Variants in DYRK1A observed in about 807,000 individuals in gnomAD.
DYRK1A encodes dual specificity tyrosine-phosphorylation-regulated kinase 1A.
Under a neutral mutation model 79.7 loss-of-function variants are expected in DYRK1A, and 9 were observed. The observed-to-expected ratio is 0.11, with a 90% CI of 0.07 to 0.20. The LOEUF is 0.20. Ranked by LOEUF, DYRK1A falls within the 10% of genes least tolerant of loss-of-function variation. DYRK1A has a pLI of 1.00. For missense variants in DYRK1A, 622 were observed against 956.0 expected (o/e 0.65, Z 4.61); for synonymous variants, 349 against 329.7 (o/e 1.06, Z -0.63).
At chr21:37,374,221 C>T (rs371758857) in intron 1 of DYRK1A, among the ~76,000 whole-genome samples, 49 of 151,790 alleles carry the variant, frequency 3.2e-4, no homozygotes, top group African/African-American at 1.1e-3. Flanking sequence ...TGTCTTCTTG[C>T]TCATACCCTC....
intron 2 of DYRK1A, among the ~76,000 whole-genome samples, chr21:37,441,962 G>GT (rs34848736): frequency 0.43 from 60,528 of 139,850 alleles, 13,108 homozygotes; most frequent in East Asian, 0.54. Flanking sequence ...TTATTTTGCT[G>GT]TTTTTTTTTT....
intron 2 of DYRK1A, among the ~76,000 whole-genome samples, chr21:37,441,582 T>C (rs2051104484): frequency 6.6e-6 from 1 of 152,152 alleles, no homozygotes; most frequent in South Asian, 2.1e-4. Context: ...TTTAGTGGTT[T>C]CTCTTTATCT....
intron 1 of DYRK1A, among the ~76,000 whole-genome samples, chr21:37,380,131 T>C (rs913798504): frequency 2.6e-5 from 4 of 152,260 alleles, no homozygotes; most frequent in Admixed American, 2.0e-4. Flanking sequence ...TTTTAACAGT[T>C]AATTTTGACT....
intron 1 of DYRK1A, among the ~76,000 whole-genome samples, chr21:37,370,658 A>G (rs965973350): frequency 2.0e-5 from 3 of 152,210 alleles, no homozygotes; most frequent in Admixed American, 6.5e-5. Flanking sequence ...ACTTCCAGAA[A>G]GTCTTTATCA....
At chr21:37,450,352 C>T (rs2051405538) in intron 2 of DYRK1A, among the ~76,000 whole-genome samples, 1 of 152,074 alleles carries the variant, frequency 6.6e-6, no homozygotes, top group Non-Finnish European at 1.5e-5. Flanking sequence ...GAACCTTTTT[C>T]ATCAGGAGAA....
intron 2 of DYRK1A, among the ~76,000 whole-genome samples, chr21:37,455,565 G>C (rs1001869723): frequency 1.3e-5 from 2 of 152,088 alleles, no homozygotes; most frequent in Non-Finnish European, 2.9e-5. Context: ...TCTGTCGTCC[G>C]TATTGAAACA....
At chr21:37,379,674 GGTT>G (rs1389770532) in intron 1 of DYRK1A, among the ~76,000 whole-genome samples, 2 of 152,302 alleles carry the variant, frequency 1.3e-5, no homozygotes, top group East Asian at 1.9e-4. Flanking sequence ...TAAAGGAAAA[GGTT>G]GTATCATAAT....
chr21:37,513,015 T>C lies in DYRK1A; in HGVS notation c.*484T>C, dbSNP rs1255752688. ...GTGGGAGGGTGGGAAATTTGGGTTTTTAAGTCCTCTAAACACACTTGGGCA... is the reference window on the plus strand; with the variant it reads ...GTGGGAGGGTGGGAAATTTGGGTTTCTAAGTCCTCTAAACACACTTGGGCA... On this transcript the variant is annotated 3_prime_UTR_variant, in exon 12 of 12. Transcript: ENST00000647188. 1.2e-5 allele frequency: 2 copies of C among 161,138 alleles called. No homozygotes were observed. The highest frequency in any genetic ancestry group is 1.2e-4 in the Admixed American group (2 of 17,004). 10.0% of individuals were successfully genotyped at this position (161,138 alleles called of 1,614,324 possible).
Position 37,472,707 on chromosome 21 carries a change from C to T in DYRK1A, c.34C>T (p.Pro12Ser), listed in dbSNP as rs778892348. The T allele has an allele frequency of 6.2e-7, 1 of 1,602,534 alleles. No homozygotes were observed. Among genetic ancestry groups the T allele is most frequent in the South Asian group, 1.1e-5 (1 of 89,610 alleles). The stretch of plus-strand genomic sequence containing the variant: ...AGGAGGAGAGACTTCAGCATGCAAA[C>T]CTTCATCTGTTCGGCTTGCACCGTC... ...HTGGETSACK[P>S]SSVRLAPSFS... The change falls in exon 3 of 12, where the codon CCT becomes TCT. Residue 12 changes from proline (P) to serine (S), a missense_variant. Physicochemically the swap from Pro to Ser is moderately conservative, Grantham distance 74. This residue lies in a region of DYRK1A where 91 missense variants were observed against 113.8 expected (regional missense o/e 0.80). Transcript: ENST00000647188.
chr21:37,440,636 T>G (rs186353565), intron 2 of DYRK1A, among the ~76,000 whole-genome samples: 71 of 152,306 alleles, frequency 4.7e-4, no homozygotes, highest in Non-Finnish European at 2.5e-4. Flanking sequence ...TTCCTTGAGT[T>G]GTGGTTATTT....
At chr21:37,462,691 G>A (rs1017670558) in intron 2 of DYRK1A, among the ~76,000 whole-genome samples, 3 of 152,076 alleles carry the variant, frequency 2.0e-5, no homozygotes, top group East Asian at 1.9e-4. Flanking sequence ...CAATTCAGTG[G>A]CCTTGAACTC....
At chr21:37,454,041 C>T (rs1054609752) in intron 2 of DYRK1A, among the ~76,000 whole-genome samples, 1 of 148,596 alleles carries the variant, frequency 6.7e-6, no homozygotes, top group Non-Finnish European at 1.5e-5. Context: ...ATACTTGAGT[C>T]CTCAATCTCC....
In DYRK1A at chr21:37,516,507, C is replaced by T. The variant is rs2053882359; in HGVS notation, c.*3976C>T. ...AAGAGAAGAAACCCTAAGAAGATAG[C>T]TTATTTGTTATCCTCCCTTTTAATG... On this transcript the variant is annotated 3_prime_UTR_variant, in exon 12 of 12. Coordinates refer to ENST00000647188, the MANE Select transcript of DYRK1A (RefSeq NM_001347721.2). The T allele has an allele frequency of 6.6e-6, 1 of 152,156 alleles. No individual in the cohort carries two copies. The highest frequency in any genetic ancestry group is 2.1e-4 in the South Asian group (1 of 4,822). The allele number at this position is 152,156 out of a possible 1,614,324, so 9.4% of individuals were successfully genotyped here.
intron 2 of DYRK1A, among the ~76,000 whole-genome samples, chr21:37,447,248 C>T (rs1283625482): frequency 1.3e-5 from 2 of 152,028 alleles, no homozygotes; most frequent in Non-Finnish European, 2.9e-5. Flanking sequence ...AGCACTTCCA[C>T]CCTCAGGATC....
At chr21:37,465,066 A>G (rs934825693) in intron 2 of DYRK1A, among the ~76,000 whole-genome samples, 13 of 152,212 alleles carry the variant, frequency 8.5e-5, no homozygotes, top group African/African-American at 2.9e-4. Context: ...AAGAAAGGAG[A>G]CAATGAGCAT....
At chr21:37,376,403 G>A (rs1340558703) in intron 1 of DYRK1A, among the ~76,000 whole-genome samples, 8 of 152,126 alleles carry the variant, frequency 5.3e-5, no homozygotes, top group Admixed American at 5.2e-4. Flanking sequence ...CAGGTACTTG[G>A]GAGGCAGAGG....
intron 2 of DYRK1A, among the ~76,000 whole-genome samples, chr21:37,458,095 G>T (rs1307603016): frequency 6.6e-6 from 1 of 152,158 alleles, no homozygotes; most frequent in East Asian, 1.9e-4. Context: ...AGCTAAGCAG[G>T]CACCTTTCAA....
At chr21:37,447,142 A>G (rs958500892) in intron 2 of DYRK1A, among the ~76,000 whole-genome samples, 3 of 152,134 alleles carry the variant, frequency 2.0e-5, no homozygotes, top group East Asian at 1.9e-4. Context: ...CTGTCAATCT[A>G]TGATTGGATC....
In DYRK1A at chr21:37,431,000, T is replaced by C. The variant is rs772238205; in HGVS notation, c.10+10616T>C. On this transcript the variant is annotated intron_variant, in intron 2 of 11. Transcript: ENST00000647188. The stretch of plus-strand genomic sequence containing the variant: ...CTCTGGTTCCTAGATCTTTTTGACA[T>C]TCCTTAAATTATTGGTATTATCCCA... 1.5e-3 allele frequency among the ~76,000 whole-genome samples: 232 copies of C among 152,190 alleles called. 1 individual carries two copies. The highest frequency in any genetic ancestry group is 9.8e-4 in the Non-Finnish European group (67 of 68,028).
Sources: gnomAD v4.1 joint callset for allele counts (sites outside exome capture counted in the v4.1 genomes callset) on GRCh38, gnomAD v4.1.1 for gene constraint, gnomAD v4.1.1 regional missense constraint, MANE v1.5 for transcripts, NCBI Gene and HGNC (gene_info 2026-07-23, HGNC 2026-07-21) for gene names.